Variants in TTC28 observed in about 807,000 individuals in gnomAD.
TTC28 encodes the protein tetratricopeptide repeat domain 28.
A neutral mutation model predicts 198.0 loss-of-function variants in TTC28; 61 were observed. The observed-to-expected ratio is 0.31, with a 90% CI of 0.25 to 0.38. The LOEUF (loss-of-function observed/expected upper bound fraction) is 0.38. TTC28 is among the 10% of genes least tolerant of loss of function. The pLI, the probability that TTC28 is intolerant of heterozygous loss-of-function variation, is 1.00. For missense variants in TTC28, 2,678 were observed against 3,164.0 expected (o/e 0.85, Z 3.69); for synonymous variants, 1,171 against 1,297.8 (o/e 0.90, Z 2.10).
intron 2 of TTC28, among the ~76,000 whole-genome samples, chr22:28,604,900 A>G (rs2050706620): frequency 6.6e-6 from 1 of 152,218 alleles, no homozygotes; most frequent in East Asian, 1.9e-4. Flanking sequence ...ACTGTCAAGT[A>G]TATATGACAA....
At chr22:28,125,067 C>A (rs2146949205) in intron 6 of TTC28, among the ~76,000 whole-genome samples, 1 of 152,298 alleles carries the variant, frequency 6.6e-6, no homozygotes, top group East Asian at 1.9e-4. Context: ...GTTACATATA[C>A]CTTTCCTCCA....
chr22:28,344,326 C>T (rs2045875690), intron 2 of TTC28, among the ~76,000 whole-genome samples: 1 of 151,922 alleles, frequency 6.6e-6, no homozygotes, highest in Non-Finnish European at 1.5e-5. Context: ...ACTCAATAAG[C>T]TTTCTTCAGC....
rs557565708 is a variant in TTC28 at position 28,571,957 on chromosome 22, A to C, written c.381+57595T>G. On this transcript the variant is annotated intron_variant, in intron 2 of 22. Transcript: ENST00000397906. Reference sequence around the variant, plus strand: ...AGAGCGAGACTCCATTTCAAAAAAAAAAAAAAAAAAACAAACAAAAAAAAA... The same window carrying C: ...AGAGCGAGACTCCATTTCAAAAAAACAAAAAAAAAAACAAACAAAAAAAAA... Among the ~76,000 whole-genome samples, 463 of 151,708 alleles carry C rather than the reference A, an allele frequency of 3.1e-3. 2 individuals carry two copies. Among genetic ancestry groups the C allele is most frequent in the Middle Eastern group, 0.021 (6 of 292 alleles).
chr22:28,164,931 A>G (rs963562722), intron 5 of TTC28, among the ~76,000 whole-genome samples: 35 of 152,230 alleles, frequency 2.3e-4, no homozygotes, highest in Non-Finnish European at 4.4e-4. Flanking sequence ...AAACCTTGAA[A>G]AAAAACTAGA....
chr22:28,545,790 A>C (rs984773556), intron 2 of TTC28, among the ~76,000 whole-genome samples: 3 of 152,176 alleles, frequency 2.0e-5, no homozygotes, highest in Non-Finnish European at 4.4e-5. Context: ...GCAAGACTAT[A>C]TAAGAAAAAT....
chr22:27,992,703 C>T (rs371982885), intron 18 of TTC28, 40 bp from the exon 19 acceptor site: 4 of 1,536,500 alleles, frequency 2.6e-6, no homozygotes, highest in East Asian at 4.9e-5. Context: ...TCAGAAGGGC[C>T]TCTGCACCCA....
intron 2 of TTC28, among the ~76,000 whole-genome samples, chr22:28,357,493 T>C (rs1056040959): frequency 1.3e-5 from 2 of 151,836 alleles, no homozygotes; most frequent in Non-Finnish European, 2.9e-5. Context: ...TAACTTTTTG[T>C]AGAGACAAGG....
intron 1 of TTC28, among the ~76,000 whole-genome samples, chr22:28,652,775 G>A (rs1224657622): frequency 1.3e-5 from 2 of 152,114 alleles, no homozygotes; most frequent in Non-Finnish European, 2.9e-5. Context: ...CCAGCAGGAT[G>A]GTCCTTCAAT....
intron 2 of TTC28, among the ~76,000 whole-genome samples, chr22:28,372,102 C>T (rs2046347205): frequency 6.6e-6 from 1 of 151,874 alleles, no homozygotes; most frequent in Non-Finnish European, 1.5e-5. Context: ...TACCACCTCC[C>T]CGCCTTAAAA....
intron 12 of TTC28, among the ~76,000 whole-genome samples, chr22:28,051,443 C>T (rs1940083224): frequency 1.3e-5 from 2 of 152,288 alleles, no homozygotes; most frequent in South Asian, 2.1e-4. Context: ...ATATCAAAGT[C>T]TTTTACCTCT....
chr22:28,449,995 A>C (rs1016808738), intron 2 of TTC28, among the ~76,000 whole-genome samples: 15 of 152,292 alleles, frequency 9.8e-5, no homozygotes, highest in African/African-American at 3.6e-4. Context: ...AAAATGTTGG[A>C]TACTGAATTC....
At chr22:28,654,613 C>A (rs2051615304) in intron 1 of TTC28, among the ~76,000 whole-genome samples, 1 of 152,218 alleles carries the variant, frequency 6.6e-6, no homozygotes, top group Non-Finnish European at 1.5e-5. Flanking sequence ...CAGGCGTGAG[C>A]CACCATGCCT....
At chr22:28,063,282 A>T (rs1940620766) in intron 12 of TTC28, among the ~76,000 whole-genome samples, 1 of 152,170 alleles carries the variant, frequency 6.6e-6, no homozygotes, top group South Asian at 2.1e-4. Context: ...CTCATTTTCC[A>T]GAGGCTGTGG....
At chr22:28,500,975 T>C (rs534788159) in intron 2 of TTC28, among the ~76,000 whole-genome samples, 1 of 152,314 alleles carries the variant, frequency 6.6e-6, no homozygotes, top group South Asian at 2.1e-4. Context: ...GACATCTAAT[T>C]TGATAAAACA....
chr22:28,378,276 G>A (rs1280403545), intron 2 of TTC28, among the ~76,000 whole-genome samples: 1 of 150,956 alleles, frequency 6.6e-6, no homozygotes, highest in Non-Finnish European at 1.5e-5. Context: ...AACCTGGGAG[G>A]CGGAGGTTGC....
chr22:28,289,700 CCT>C (rs1171766406), intron 5 of TTC28, among the ~76,000 whole-genome samples: 3 of 152,112 alleles, frequency 2.0e-5, no homozygotes, highest in African/African-American at 7.2e-5. Context: ...TGTAGCAAGA[CCT>C]CTGTCTTTAA....
chr22:28,652,316 A>G (rs990018525), intron 1 of TTC28, among the ~76,000 whole-genome samples: 3 of 152,228 alleles, frequency 2.0e-5, no homozygotes, highest in Admixed American at 6.5e-5. Context: ...CCCAAAACCT[A>G]GGAAGCAGTG....
At chr22:28,482,545 A>C (rs771319417) in intron 2 of TTC28, among the ~76,000 whole-genome samples, 9 of 152,116 alleles carry the variant, frequency 5.9e-5, no homozygotes, top group Non-Finnish European at 1.0e-4. Flanking sequence ...TCCTTAATCA[A>C]GCATTTTAAA....
intron 5 of TTC28, among the ~76,000 whole-genome samples, chr22:28,288,270 C>A (rs909074461): frequency 5.9e-5 from 9 of 152,070 alleles, no homozygotes; most frequent in Admixed American, 1.3e-4. Context: ...ATACCTTTTT[C>A]TTTTTACTTT....
Sources: gnomAD v4.1 joint callset for allele counts (sites outside exome capture counted in the v4.1 genomes callset) on GRCh38, gnomAD v4.1.1 for gene constraint, MANE v1.5 for transcripts, NCBI Gene and HGNC (gene_info 2026-07-23, HGNC 2026-07-21) for gene names.